EDIL3: variants seen among roughly 807,000 people sequenced by gnomAD.
The protein encoded by EDIL3 is EGF like and discoidin domains 3.
EDIL3 carries 37 observed loss-of-function variants against 67.4 expected under a neutral mutation model. The ratio of observed to expected loss-of-function variants is 0.55; its 90% CI spans 0.42 to 0.72. The LOEUF is 0.72. Among genes scored for constraint, EDIL3 ranks in the 30% least tolerant of loss-of-function variants. The pLI, the probability that EDIL3 is intolerant of heterozygous loss-of-function variation, is 0.00. For synonymous variants in EDIL3, 195 were observed against 196.3 expected, an observed-to-expected ratio of 0.99 and a Z score of 0.05; for missense variants, 527 against 586.3, an observed-to-expected ratio of 0.90 and a Z score of 1.04.
At chr5:84,292,956 G>C (rs969074907) in intron 1 of EDIL3, among the ~76,000 whole-genome samples, 5 of 152,116 alleles carry the variant, frequency 3.3e-5, no homozygotes, top group Middle Eastern at 6.4e-3. Context: ...AGTACTATGG[G>C]GTTACAATCT....
intron 4 of EDIL3, among the ~76,000 whole-genome samples, chr5:84,150,610 C>T (rs545867267): frequency 6.6e-6 from 1 of 152,218 alleles, no homozygotes; most frequent in South Asian, 2.1e-4. Context: ...ACGATTACAA[C>T]AGCTAAAATT....
At chr5:84,345,683 G>C (rs1256673439) in intron 1 of EDIL3, among the ~76,000 whole-genome samples, 1 of 152,112 alleles carries the variant, frequency 6.6e-6, no homozygotes, top group Non-Finnish European at 1.5e-5. Context: ...ATGAATAGCT[G>C]AACAGATGCC....
At chr5:84,258,192 A>C (rs1016347438) in intron 1 of EDIL3, among the ~76,000 whole-genome samples, 5 of 152,244 alleles carry the variant, frequency 3.3e-5, no homozygotes, top group Non-Finnish European at 2.9e-5. Context: ...TTCTCCAAGA[A>C]GGAGATGCTA....
rs1245440804 is a variant in EDIL3 at position 84,163,722 on chromosome 5, T to A, written c.355+16671A>T. Among the ~76,000 whole-genome samples, 3 of 151,990 alleles carry A rather than the reference T, an allele frequency of 2.0e-5. No homozygotes were observed. The East Asian group carries it at 5.8e-4, about 29-fold the overall frequency. On this transcript the variant is annotated intron_variant, in intron 4 of 10. Transcript: ENST00000296591. ...GTGACATCTTTTATAGACAGAAAAA[T>A]GCATAAGGAAAGTTTTAGCAAAACA... is the stretch of plus-strand genomic sequence containing the variant.
At chr5:84,211,969 AGTT>A (rs1223801478) in intron 3 of EDIL3, among the ~76,000 whole-genome samples, 2 of 152,196 alleles carry the variant, frequency 1.3e-5, no homozygotes, top group Non-Finnish European at 2.9e-5. Context: ...CCTACAACAT[AGTT>A]TCCATATTTT....
chr5:84,327,228 C>T (rs765381285), intron 1 of EDIL3, among the ~76,000 whole-genome samples: 3 of 151,960 alleles, frequency 2.0e-5, no homozygotes, highest in African/African-American at 7.2e-5. Context: ...TTCATCCTTA[C>T]TAACCAAAAC....
At chr5:84,057,756 C>T (rs190882476) in intron 9 of EDIL3, among the ~76,000 whole-genome samples, 1 of 150,194 alleles carries the variant, frequency 6.7e-6, no homozygotes, top group East Asian at 2.0e-4. Flanking sequence ...TGGCTCAAAC[C>T]AATAACTTGA....
At chr5:83,971,453 A>G (rs1744791906) in intron 9 of EDIL3, among the ~76,000 whole-genome samples, 1 of 151,608 alleles carries the variant, frequency 6.6e-6, no homozygotes, top group African/African-American at 2.4e-5. Flanking sequence ...TATTTTTTGC[A>G]GAAAGTGCCT....
At chr5:84,272,648 C>T (rs904054821) in intron 1 of EDIL3, among the ~76,000 whole-genome samples, 5 of 152,192 alleles carry the variant, frequency 3.3e-5, no homozygotes, top group East Asian at 1.9e-4. Flanking sequence ...CTAATAAATG[C>T]AACTCATAAA....
chr5:84,007,606 T>C (rs1745440896), intron 9 of EDIL3, among the ~76,000 whole-genome samples: 1 of 152,146 alleles, frequency 6.6e-6, no homozygotes, highest in African/African-American at 2.4e-5. Flanking sequence ...AAATGGCTTT[T>C]ATCTAAAAGA....
At chr5:84,220,433 A>C (rs550566394) in intron 3 of EDIL3, among the ~76,000 whole-genome samples, 1 of 152,326 alleles carries the variant, frequency 6.6e-6, no homozygotes, top group African/African-American at 2.4e-5. Context: ...AGTATTATTG[A>C]GATGTACACC....
At chr5:84,181,662 C>T (rs1046266044) in intron 3 of EDIL3, among the ~76,000 whole-genome samples, 1 of 152,114 alleles carries the variant, frequency 6.6e-6, no homozygotes, top group African/African-American at 2.4e-5. Context: ...TTCTATCTTA[C>T]AGTCTTCTTC....
rs369144936 is a variant in EDIL3 at position 84,381,389 on chromosome 5, A to G, written c.67+2919T>C. ...TATGTTTTACCTTGACTCTGAAGTT[A>G]GCATTTATTTTTAAGGTATAAAATT... On this transcript the variant is annotated intron_variant, in intron 1 of 10. Transcript: ENST00000296591. Among the ~76,000 whole-genome samples the G allele has an allele frequency of 2.2e-3, 329 of 152,262 alleles. 1 individual carries two copies. The highest frequency in any genetic ancestry group is 0.014 in the Middle Eastern group (4 of 294).
intron 1 of EDIL3, among the ~76,000 whole-genome samples, chr5:84,381,903 T>C (rs1418388164): frequency 6.6e-6 from 1 of 152,252 alleles, no homozygotes; most frequent in Admixed American, 6.5e-5. Context: ...CAGGCATTAA[T>C]GCAAGTAAAT....
chr5:84,103,229 TA>T (rs1283456638), intron 6 of EDIL3, among the ~76,000 whole-genome samples: 25 of 152,214 alleles, frequency 1.6e-4, no homozygotes, highest in Admixed American at 1.5e-3. Flanking sequence ...CAAGATGGAT[TA>T]AAGACTTAAA....
intron 9 of EDIL3, among the ~76,000 whole-genome samples, chr5:84,056,447 G>GT (rs1746449220): frequency 6.6e-6 from 1 of 152,024 alleles, no homozygotes; most frequent in African/African-American, 2.4e-5. Context: ...TTGTGCACAT[G>GT]TATCCTAGAA....
At chr5:84,035,567 A>T (rs1016776471) in intron 9 of EDIL3, among the ~76,000 whole-genome samples, 22 of 152,178 alleles carry the variant, frequency 1.4e-4, no homozygotes, top group African/African-American at 4.8e-4. Flanking sequence ...TTATGCAATC[A>T]CTTTATTTAA....
chr5:84,299,768 C>G (rs1033293462), intron 1 of EDIL3, among the ~76,000 whole-genome samples: 9 of 151,972 alleles, frequency 5.9e-5, no homozygotes, highest in Non-Finnish European at 1.2e-4. Context: ...GTATGTATAA[C>G]CTCTATTTCA....
chr5:84,055,880 A>G (rs1417129570), intron 9 of EDIL3, among the ~76,000 whole-genome samples: 2 of 152,206 alleles, frequency 1.3e-5, no homozygotes, highest in African/African-American at 4.8e-5. Context: ...AACTAGTTCA[A>G]CCATTGTGGA....
Sources: gnomAD v4.1 joint callset for allele counts (sites outside exome capture counted in the v4.1 genomes callset) on GRCh38, gnomAD v4.1.1 for gene constraint, MANE v1.5 for transcripts, NCBI Gene and HGNC (gene_info 2026-07-23, HGNC 2026-07-21) for gene names.